Variants in TRPM3 observed in about 807,000 individuals in gnomAD.
TRPM3 encodes long transient receptor potential channel 3.
Under a neutral mutation model 181.2 loss-of-function variants are expected in TRPM3, and 77 were observed. That is an observed-to-expected ratio of 0.42 (90% CI 0.35 to 0.51). The LOEUF (loss-of-function observed/expected upper bound fraction) is 0.51, where lower values mean the gene tolerates loss of function less well. Ranked by LOEUF, TRPM3 falls within the 20% of genes least tolerant of loss-of-function variation. TRPM3 has a pLI of 0.01. For missense variants in TRPM3, 1,759 were observed against 2,196.7 expected, an observed-to-expected ratio of 0.80 and a Z score of 3.98; for synonymous variants, 745 against 796.4, an observed-to-expected ratio of 0.94 and a Z score of 1.09.
At chr9:71,246,364 C>CA (rs2082034431) in intron 1 of TRPM3, among the ~76,000 whole-genome samples, 1 of 152,138 alleles carries the variant, frequency 6.6e-6, no homozygotes, top group Admixed American at 6.5e-5. Context: ...TGTGAATGGA[C>CA]AAAATCAATG....
intron 1 of TRPM3, among the ~76,000 whole-genome samples, chr9:71,237,071 A>G (rs1303428048): frequency 3.3e-4 from 48 of 145,794 alleles, no homozygotes; most frequent in African/African-American, 1.2e-3. Flanking sequence ...GGGGGGGGGA[A>G]AAAAAGAAAG....
At chr9:71,092,299 T>G (rs1432843907) in intron 1 of TRPM3, among the ~76,000 whole-genome samples, 1 of 152,190 alleles carries the variant, frequency 6.6e-6, no homozygotes, top group African/African-American at 2.4e-5. Context: ...CCTCTGGAAC[T>G]CTGCAGTGGA....
chr9:70,660,675 C>A (rs1339061283), intron 9 of TRPM3, among the ~76,000 whole-genome samples: 1 of 152,018 alleles, frequency 6.6e-6, no homozygotes, highest in Admixed American at 6.6e-5. Context: ...CACACACAAA[C>A]TAGAAAATCT....
intron 1 of TRPM3, among the ~76,000 whole-genome samples, chr9:71,080,410 C>G (rs1005060418): frequency 6.6e-6 from 1 of 152,100 alleles, no homozygotes; most frequent in African/African-American, 2.4e-5. Flanking sequence ...CAAGGGTGTG[C>G]CAACCATGCA....
At chr9:70,845,722 A>G (rs774166068) in intron 4 of TRPM3, among the ~76,000 whole-genome samples, 19 of 152,222 alleles carry the variant, frequency 1.2e-4, no homozygotes, top group Non-Finnish European at 2.4e-4. Flanking sequence ...TATGCCAAAA[A>G]CATTTACAGG....
At chr9:71,094,263 A>T (rs1311354529) in intron 1 of TRPM3, among the ~76,000 whole-genome samples, 1 of 152,144 alleles carries the variant, frequency 6.6e-6, no homozygotes, top group Non-Finnish European at 1.5e-5. Flanking sequence ...TAAAATTTTT[A>T]AAATAAAATA....
chr9:71,261,925 A>G (rs10869003), intron 1 of TRPM3, among the ~76,000 whole-genome samples: 82,587 of 151,992 alleles, frequency 0.54, 22,558 homozygotes, highest in African/African-American at 0.59. Flanking sequence ...GCTCTCATGT[A>G]TGAAGTGTCT....
intron 3 of TRPM3, among the ~76,000 whole-genome samples, chr9:70,859,457 C>T (rs1188481163): frequency 2.0e-5 from 3 of 152,134 alleles, no homozygotes; most frequent in African/African-American, 7.2e-5. Context: ...GTAGGTTACT[C>T]TGTCATGTAG....
chr9:70,828,248 G>T (rs2093673258), intron 5 of TRPM3, among the ~76,000 whole-genome samples: 1 of 152,168 alleles, frequency 6.6e-6, no homozygotes, highest in Non-Finnish European at 1.5e-5. Context: ...TTACTGAAAT[G>T]GGGCAGAAAA....
At chr9:70,877,562 T>A (rs2095890319) in intron 1 of TRPM3, among the ~76,000 whole-genome samples, 1 of 151,970 alleles carries the variant, frequency 6.6e-6, no homozygotes, top group African/African-American at 2.4e-5. Context: ...ATTCTAAGAT[T>A]CCTGTTTGGG....
At chr9:70,922,612 C>A (rs1453503172) in intron 1 of TRPM3, among the ~76,000 whole-genome samples, 1 of 152,110 alleles carries the variant, frequency 6.6e-6, no homozygotes, top group African/African-American at 2.4e-5. Context: ...TCTTTGATTA[C>A]CATTTTCCTA....
intron 1 of TRPM3, among the ~76,000 whole-genome samples, chr9:71,066,625 G>C (rs1264806274): frequency 6.6e-6 from 1 of 151,986 alleles, no homozygotes; most frequent in Admixed American, 6.6e-5. Context: ...ATTTCATGTT[G>C]CTGTATAATT....
At chr9:70,549,386 T>G (rs1316249793) in intron 25 of TRPM3, among the ~76,000 whole-genome samples, 156 bp downstream of exon 25, 13 of 152,214 alleles carry the variant, frequency 8.5e-5, no homozygotes, top group Non-Finnish European at 1.5e-4. Flanking sequence ...ATAGATACTT[T>G]GGGCAATGTT....
rs747802380 is a variant in TRPM3, at chr9:70,828,026, G to C, written c.802-8C>G. 11 of 1,605,364 alleles carry C rather than the reference G, an allele frequency of 6.9e-6. No homozygotes were observed. Among genetic ancestry groups the C allele is most frequent in the Non-Finnish European group, 9.4e-6 (11 of 1,174,244 alleles). ...CTGGTATGGCCGGACAACCTGCAGG[G>C]TATCAAATGGAAGAGGCAGAAGTCA... On this transcript the variant is annotated splice_polypyrimidine_tract_variant and splice_region_variant and intron_variant, in intron 5 of 25. Coordinates refer to ENST00000677713, the MANE Select transcript of TRPM3 (RefSeq NM_001366145.2).
At chr9:70,598,391 T>A in intron 21 of TRPM3, 28 bp downstream of exon 21, 1 of 1,607,912 alleles carries the variant, frequency 6.2e-7, no homozygotes, top group East Asian at 2.2e-5. Flanking sequence ...TGAAAACTTA[T>A]AACATGGAAT....
chr9:70,625,939 G>T lies in TRPM3; in HGVS notation c.1633-422C>A, dbSNP rs191213003. Among the ~76,000 whole-genome samples the T allele has an allele frequency of 2.0e-5, 3 of 152,272 alleles. No individual in the cohort carries two copies. The East Asian group carries it at 5.8e-4, about 29-fold the overall frequency. On this transcript the variant is annotated intron_variant, in intron 12 of 25. Transcript: ENST00000677713. This position sits in a 1 kb window ranked among gnomAD's most constrained non-coding sequence, Gnocchi z 4.8. ...GAGCAATATTTAGGGAGGGGATTTTGGGTGTCAGAATGAGGTTGTATATGA... is the reference window on the plus strand; with the variant it reads ...GAGCAATATTTAGGGAGGGGATTTTTGGTGTCAGAATGAGGTTGTATATGA...
At chr9:71,384,088 G>A (rs531925376) in intron 1 of TRPM3, among the ~76,000 whole-genome samples, 2 of 152,250 alleles carry the variant, frequency 1.3e-5, no homozygotes, top group East Asian at 1.9e-4. Context: ...AGAGTAAAAC[G>A]TTATTAATAT....
intron 6 of TRPM3, among the ~76,000 whole-genome samples, chr9:70,823,248 CTCCTGAAGGCATT>C (rs896250339): frequency 7.2e-5 from 11 of 152,326 alleles, no homozygotes; most frequent in African/African-American, 2.6e-4. Context: ...TTGCAATAGC[CTCCTGAAGGCATT>C]TCCTTGTTTT....
At chr9:70,696,774 C>T (rs2070630302) in intron 8 of TRPM3, among the ~76,000 whole-genome samples, 2 of 152,056 alleles carry the variant, frequency 1.3e-5, no homozygotes, top group East Asian at 1.9e-4. Flanking sequence ...TTGTCATAAA[C>T]AATGACAAAT....
Sources: allele counts gnomAD v4.1 joint callset (sites outside exome capture counted in the v4.1 genomes callset), GRCh38; gene constraint gnomAD v4.1.1; non-coding constraint Gnocchi (gnomAD v3.1); transcripts MANE v1.5; gene names NCBI Gene and HGNC (gene_info 2026-07-23, HGNC 2026-07-21).